ALDH6A1: variants seen among roughly 807,000 people sequenced by gnomAD.
ALDH6A1 encodes the protein methylmalonate-semialdehyde/malonate-semialdehyde dehydrogenase [acylating], mitochondrial.
In ALDH6A1, 43 loss-of-function variants were observed where a neutral mutation model predicts 62.6. That is an observed-to-expected ratio of 0.69 (90% CI 0.54 to 0.89). The LOEUF (loss-of-function observed/expected upper bound fraction) is 0.89, where lower values mean the gene tolerates loss of function less well. Ranked by LOEUF, ALDH6A1 falls within the 40% of genes least tolerant of loss-of-function variation. The pLI is 0.00. For synonymous variants in ALDH6A1, 194 were observed against 234.2 expected, an observed-to-expected ratio of 0.83 and a Z score of 1.57; for missense variants, 551 against 661.3, an observed-to-expected ratio of 0.83 and a Z score of 1.83.
At chr14:74,063,190 CTT>C (rs370230173) in intron 11 of ALDH6A1, among the ~76,000 whole-genome samples, 28 of 144,904 alleles carry the variant, frequency 1.9e-4, no homozygotes, top group Admixed American at 9.0e-4. Flanking sequence ...AATAATTCTT[CTT>C]TTTTTTTTTT....
chr14:74,084,200 A>G, intron 1 of ALDH6A1, 147 bp downstream of exon 1: 1 of 1,218,658 alleles, frequency 8.2e-7, no homozygotes, highest in Non-Finnish European at 1.2e-6. Flanking sequence ...AGGGCTGGGC[A>G]TGGGACAGGG....
chr14:74,072,415 T>C (rs1566833942), intron 3 of ALDH6A1, 51 bp from the exon 4 acceptor site: 5 of 1,613,998 alleles, frequency 3.1e-6, no homozygotes, highest in Non-Finnish European at 4.2e-6. Context: ...CCTTCTCCAC[T>C]GTACATCCAG....
Position 74,067,474 on chromosome 14 carries a change from G to A in ALDH6A1, c.948C>T (p.Arg316=), listed in dbSNP as rs764477811. 3 of 1,614,222 alleles carry A rather than the reference G, an allele frequency of 1.9e-6. No individual in the cohort carries two copies. The highest frequency in any genetic ancestry group is 2.2e-5 in the East Asian group (1 of 44,888). The change falls in exon 8 of 12, where the codon CGC becomes CGT. Residue 316 remains arginine, a synonymous_variant. Coordinates refer to ENST00000553458, the MANE Select transcript of ALDH6A1 (RefSeq NM_005589.4). Reference sequence around the variant, plus strand: ...GGACTGCTGTTGAAAGAGCCATGCAGCGCTGACCAGCAGCTCCAAATGCTG... The same window carrying A: ...GGACTGCTGTTGAAAGAGCCATGCAACGCTGACCAGCAGCTCCAAATGCTG... ...VGAAFGAAGQ[R]CMALSTAVLV... is the part of the protein sequence containing the mutation.
Position 74,057,359 on chromosome 14 carries a change from T to G in ALDH6A1, c.*3283A>C. The G allele has an allele frequency of 6.3e-7, 1 of 1,577,720 alleles. No homozygotes were observed. The highest frequency in any genetic ancestry group is 8.6e-7 in the Non-Finnish European group (1 of 1,160,678). Reference sequence around the variant, plus strand: ...TTATTTTCTCTACTAGTTGAGAGACTTCAGGGATCAGTGGAATGAGTAATA... The same window carrying G: ...TTATTTTCTCTACTAGTTGAGAGACGTCAGGGATCAGTGGAATGAGTAATA... On this transcript the variant is annotated 3_prime_UTR_variant, in exon 12 of 12. Transcript: ENST00000553458.
intron 1 of ALDH6A1, among the ~76,000 whole-genome samples, chr14:74,080,341 C>G (rs1473114765): frequency 6.6e-6 from 1 of 151,280 alleles, no homozygotes; most frequent in African/African-American, 2.4e-5. Flanking sequence ...CCTAACACAT[C>G]TCTCAGCCTC....
At chr14:74,069,037 G>T in intron 6 of ALDH6A1, 56 bp from the exon 7 acceptor site, 2 of 1,588,576 alleles carry the variant, frequency 1.3e-6, no homozygotes, top group East Asian at 2.3e-5. Context: ...TCTCAACATG[G>T]CAAATTTCCC....
intron 2 of ALDH6A1, among the ~76,000 whole-genome samples, chr14:74,074,637 G>T (rs1474614330): frequency 6.6e-6 from 1 of 152,086 alleles, no homozygotes; most frequent in Non-Finnish European, 1.5e-5. Flanking sequence ...TGTGTAGAAA[G>T]AATTTGAGCA....
chr14:74,079,657 C>G (rs11848450), intron 1 of ALDH6A1, among the ~76,000 whole-genome samples: 2,029 of 152,114 alleles, frequency 0.013, 46 homozygotes, highest in African/African-American at 0.045. Flanking sequence ...TGGTCTCGAT[C>G]TCCTGACCTC....
intron 11 of ALDH6A1, among the ~76,000 whole-genome samples, chr14:74,063,267 A>G (rs1005467669): frequency 4.6e-5 from 7 of 151,642 alleles, no homozygotes; most frequent in Non-Finnish European, 5.9e-5. Flanking sequence ...GCTCACTGCA[A>G]CTTCCGCCTC....
intron 1 of ALDH6A1, among the ~76,000 whole-genome samples, chr14:74,078,601 C>T (rs944768982): frequency 3.3e-5 from 5 of 152,208 alleles, no homozygotes; most frequent in East Asian, 3.8e-4. Context: ...AATCTTGGCT[C>T]ACTGCAACCT....
At chr14:74,063,576 G>A (rs1240672790) in intron 11 of ALDH6A1, among the ~76,000 whole-genome samples, 3 of 151,918 alleles carry the variant, frequency 2.0e-5, no homozygotes, top group African/African-American at 4.8e-5. Context: ...GCATAAAGAA[G>A]GTATCCTGGT....
Position 74,071,935 on chromosome 14 carries a change from T to C in ALDH6A1, c.388A>G (p.Thr130Ala), listed in dbSNP as rs752309031. 15 of 1,614,038 alleles carry C rather than the reference T, an allele frequency of 9.3e-6. No homozygotes were observed. In the South Asian group the frequency reaches 1.5e-4, roughly 17 times the overall value. Reference sequence around the variant, plus strand: ...ACATCTCCTTCAGCATCAGCTAGGGTCTTCCCTTGTTCCAATGTGATTAAC... The same window carrying C: ...ACATCTCCTTCAGCATCAGCTAGGGCCTTCCCTTGTTCCAATGTGATTAAC... The part of the protein sequence containing the change: ...AKLITLEQGK[T>A]LADAEGDVFR... Residue 130 changes from threonine to alanine, a missense_variant, in exon 5 of 12, where the codon ACC becomes GCC. Transcript: ENST00000553458.
chr14:74,079,495 G>A (rs1194483593), intron 1 of ALDH6A1, among the ~76,000 whole-genome samples: 2 of 149,470 alleles, frequency 1.3e-5, no homozygotes, highest in Non-Finnish European at 3.0e-5. Flanking sequence ...GTGCAGTTGC[G>A]CGATCTTGGC....
chr14:74,079,960 C>A (rs1259534169), intron 1 of ALDH6A1, among the ~76,000 whole-genome samples: 1 of 152,118 alleles, frequency 6.6e-6, no homozygotes, highest in African/African-American at 2.4e-5. Context: ...ATCACCTAAG[C>A]CTTGGAGATT....
intron 5 of ALDH6A1, 172 bp from the exon 6 acceptor site, chr14:74,071,669 G>T: frequency 6.6e-7 from 1 of 1,519,994 alleles, no homozygotes. Flanking sequence ...CTCTGAATGG[G>T]AAAAATACAG....
In ALDH6A1 at chr14:74,057,841, G is replaced by A; in HGVS notation, c.*2801C>T. ...TCTAAGAAATAAGAAACTCTGAGCA[G>A]CAAATAGTTGGCCAGATGAGTTGTT... On this transcript the variant is annotated 3_prime_UTR_variant, in exon 12 of 12. Coordinates refer to ENST00000553458, the MANE Select transcript of ALDH6A1 (RefSeq NM_005589.4). 2.9e-6 allele frequency: 3 copies of A among 1,032,334 alleles called. No homozygotes were observed. The highest frequency in any genetic ancestry group is 3.5e-6 in the Non-Finnish European group (3 of 857,808). The allele number at this position is 1,032,334 out of a possible 1,614,324, so 63.9% of individuals were successfully genotyped here.
intron 2 of ALDH6A1, among the ~76,000 whole-genome samples, chr14:74,073,506 C>T (rs1371038208): frequency 2.0e-5 from 3 of 152,150 alleles, no homozygotes; most frequent in Non-Finnish European, 4.4e-5. Flanking sequence ...TGAGTAGAAA[C>T]ACGATATTAT....
rs1275890911 is a variant in ALDH6A1 at position 74,067,532 on chromosome 14, T to C, written c.890A>G (p.Asn297Ser). The C allele has an allele frequency of 1.9e-6, 3 of 1,614,176 alleles. No homozygotes were observed. Among genetic ancestry groups the C allele is most frequent in the East Asian group, 4.5e-5 (2 of 44,886 alleles). The change falls in exon 8 of 12, where the codon AAT becomes AGT. Residue 297 changes from asparagine (N) to serine (S), a missense_variant. By Grantham distance (46) the Asn-to-Ser change is conservative. Transcript: ENST00000553458. ...CAGCTGGTTCAGGGTATTTTCCTTA[T>C]TGGCATCTGGCATGACTACCCCATG... ...KNHGVVMPDA[N>S]KENTLNQLVG...
At chr14:74,083,012 C>A (rs1367445938) in intron 1 of ALDH6A1, 1 of 152,124 alleles carries the variant, frequency 6.6e-6, no homozygotes, top group African/African-American at 2.4e-5. Flanking sequence ...AGGGTGGAAA[C>A]TTTGTTTTCC....
Sources: gnomAD v4.1 joint callset for allele counts (sites outside exome capture counted in the v4.1 genomes callset) on GRCh38, gnomAD v4.1.1 for gene constraint, MANE v1.5 for transcripts, NCBI Gene and HGNC (gene_info 2026-07-23, HGNC 2026-07-21) for gene names.